LAMA3: variants seen among roughly 807,000 people sequenced by gnomAD.
LAMA3 encodes the protein laminin subunit alpha-3.
LAMA3 carries 281 observed loss-of-function variants against 402.0 expected under a neutral mutation model. The observed-to-expected ratio is 0.70, with a 90% CI of 0.63 to 0.77. The LOEUF (loss-of-function observed/expected upper bound fraction) is 0.77, where lower values mean the gene tolerates loss of function less well. LAMA3 is among the 30% of genes least tolerant of loss of function. LAMA3 has a pLI of 0.00. For missense variants in LAMA3, 3,840 were observed against 4,215.5 expected (o/e 0.91, Z 2.47); for synonymous variants, 1,431 against 1,558.4 (o/e 0.92, Z 1.93).
intron 12 of LAMA3, among the ~76,000 whole-genome samples, chr18:23,789,942 T>C (rs2062618612): frequency 1.3e-5 from 2 of 152,350 alleles, no homozygotes; most frequent in Non-Finnish European, 2.9e-5. Flanking sequence ...CTCTGTAAAT[T>C]TGACGCTCAT....
At chr18:23,947,823 T>C (rs912023651) in intron 70 of LAMA3, among the ~76,000 whole-genome samples, 2 of 149,942 alleles carry the variant, frequency 1.3e-5, no homozygotes, top group Non-Finnish European at 3.0e-5. Context: ...TTTTTTTTTT[T>C]TTTTTTGAGA....
chr18:23,853,814 C>A (rs867027591), intron 32 of LAMA3, among the ~76,000 whole-genome samples: 16 of 152,198 alleles, frequency 1.1e-4, no homozygotes, highest in African/African-American at 3.9e-4. Flanking sequence ...GAGAAACATA[C>A]CAAGTCAGGC....
At chr18:23,698,285 C>T (rs1226211241) in intron 1 of LAMA3, among the ~76,000 whole-genome samples, 4 of 149,210 alleles carry the variant, frequency 2.7e-5, no homozygotes, top group Non-Finnish European at 3.0e-5. Context: ...CGGCTCACTG[C>T]GAGCTCCGCC....
intron 2 of LAMA3, among the ~76,000 whole-genome samples, chr18:23,746,510 C>A (rs2061653591): frequency 6.6e-6 from 1 of 152,114 alleles, no homozygotes; most frequent in South Asian, 2.1e-4. Flanking sequence ...GTGTGGGAAT[C>A]CAGCTTTCTC....
chr18:23,948,419 C>T (rs1257038890), intron 70 of LAMA3, among the ~76,000 whole-genome samples: 1 of 152,090 alleles, frequency 6.6e-6, no homozygotes, highest in Non-Finnish European at 1.5e-5. Context: ...GGGTTCTGGC[C>T]CATCCTGGGG....
chr18:23,815,367 C>G, intron 16 of LAMA3, 101 bp from the exon 17 acceptor site: 1 of 1,348,476 alleles, frequency 7.4e-7, no homozygotes, highest in Non-Finnish European at 1.1e-6. Flanking sequence ...CAGATCCTGG[C>G]TACACTGCTT....
Position 23,951,672 on chromosome 18 carries a change from T to C in LAMA3, c.9643-12T>C. ...TTCCTGAAGGAAATAGGAAAATGCA[T>C]GTGTGTTCCAGGTCACGGCCTCTAT... On this transcript the variant is annotated splice_polypyrimidine_tract_variant and intron_variant, in intron 72 of 74. Coordinates refer to ENST00000313654, the MANE Select transcript of LAMA3 (RefSeq NM_198129.4). 6.2e-7 allele frequency: 1 copy of C among 1,610,314 alleles called. No individual in the cohort carries two copies. The highest frequency in any genetic ancestry group is 8.5e-7 in the Non-Finnish European group (1 of 1,176,782).
At chr18:23,776,915 A>G (rs934995261) in intron 10 of LAMA3, among the ~76,000 whole-genome samples, 13 of 148,238 alleles carry the variant, frequency 8.8e-5, no homozygotes, top group African/African-American at 3.3e-4. Flanking sequence ...ATCTTGGCTC[A>G]CTGCAACCTC....
chr18:23,912,794 A>T lies in LAMA3; in HGVS notation c.7242A>T (p.Thr2414=). 6.2e-7 allele frequency: 1 copy of T among 1,613,846 alleles called. No individual in the cohort carries two copies. The highest frequency in any genetic ancestry group is 8.5e-7 in the Non-Finnish European group (1 of 1,179,706). The change falls in exon 56 of 75, where the codon ACA becomes ACT. Residue 2414 remains threonine, a synonymous_variant. Transcript: ENST00000313654. ...ACCTGGAAGATTTGAAAGGATATACATCTCTGTCCTTGTTTCTCCAAAGGC... is the reference window on the plus strand; with the variant it reads ...ACCTGGAAGATTTGAAAGGATATACTTCTCTGTCCTTGTTTCTCCAAAGGC... ...PNDLEDLKGY[T]SLSLFLQRPN... is the part of the protein sequence containing the mutation.
intron 21 of LAMA3, among the ~76,000 whole-genome samples, chr18:23,825,173 T>A (rs1412060540): frequency 1.3e-5 from 2 of 152,210 alleles, no homozygotes; most frequent in Non-Finnish European, 2.9e-5. Flanking sequence ...CCAAACAGAT[T>A]GCCTACAACA....
chr18:23,803,120 T>C (rs1210820168), intron 12 of LAMA3, among the ~76,000 whole-genome samples: 1 of 152,186 alleles, frequency 6.6e-6, no homozygotes, highest in African/African-American at 2.4e-5. Flanking sequence ...AGTCTACAAA[T>C]GTAGTTTTGA....
intron 23 of LAMA3, among the ~76,000 whole-genome samples, chr18:23,831,004 G>T: frequency 6.6e-6 from 1 of 151,990 alleles, no homozygotes; most frequent in East Asian, 1.9e-4. Flanking sequence ...AAATTCTTAG[G>T]GTCATCCATG....
rs1032162262 is a variant in LAMA3, at chr18:23,918,173, T to C, written c.7923+1478T>C. On this transcript the variant is annotated intron_variant, in intron 60 of 74. Coordinates refer to ENST00000313654, the MANE Select transcript of LAMA3 (RefSeq NM_198129.4). This position sits in a 1 kb window ranked among gnomAD's most constrained non-coding sequence, Gnocchi z 4.1. ...GTCCTTTCCCCATTGCTTGTTTTTG[T>C]TGACTTTGTCGAAGATCAGATGGTT... Among the ~76,000 whole-genome samples, 3 of 152,216 alleles carry C rather than the reference T, an allele frequency of 2.0e-5. No individual in the cohort carries two copies. The highest frequency in any genetic ancestry group is 4.8e-5 in the African/African-American group (2 of 41,452).
chr18:23,768,916 T>G (rs1474321461), intron 8 of LAMA3, among the ~76,000 whole-genome samples: 1 of 152,170 alleles, frequency 6.6e-6, no homozygotes, highest in Non-Finnish European at 1.5e-5. Context: ...ACGTTCTCAC[T>G]TTCAAGTGGG....
intron 2 of LAMA3, among the ~76,000 whole-genome samples, chr18:23,714,562 ATG>A (rs2061060729): frequency 6.6e-6 from 1 of 152,188 alleles, no homozygotes; most frequent in South Asian, 2.1e-4. Context: ...GCCTGGCAGC[ATG>A]CAGATAGATG....
chr18:23,908,987 G>A (rs1335317932), intron 54 of LAMA3, among the ~76,000 whole-genome samples, 166 bp from the exon 55 acceptor site: 1 of 152,218 alleles, frequency 6.6e-6, no homozygotes, highest in Non-Finnish European at 1.5e-5. Flanking sequence ...ACCTTGGGAA[G>A]TGAAACCATG....
At chr18:23,894,862 C>CA in intron 43 of LAMA3, 45 bp from the exon 44 acceptor site, 1 of 1,613,474 alleles carries the variant, frequency 6.2e-7, no homozygotes, top group Non-Finnish European at 8.5e-7. Context: ...CGCAGTCCCA[C>CA]GGCTCCCCCC....
intron 59 of LAMA3, 144 bp from the exon 60 acceptor site, chr18:23,916,407 C>T (rs1476126009): frequency 1.1e-6 from 1 of 887,508 alleles, no homozygotes; most frequent in African/African-American, 1.7e-5. Flanking sequence ...TTAAAGATGT[C>T]TCCTCTGCTT....
chr18:23,892,219 GC>G (rs1362341560), intron 42 of LAMA3, among the ~76,000 whole-genome samples: 4 of 152,178 alleles, frequency 2.6e-5, no homozygotes, highest in African/African-American at 7.2e-5. Flanking sequence ...ATCACGCACA[GC>G]TTACTCGCCA....
Sources: gnomAD v4.1 joint callset for allele counts (sites outside exome capture counted in the v4.1 genomes callset) on GRCh38, gnomAD v4.1.1 for gene constraint, Gnocchi (gnomAD v3.1) non-coding constraint, MANE v1.5 for transcripts, NCBI Gene and HGNC (gene_info 2026-07-23, HGNC 2026-07-21) for gene names.